The following SEMA4D variants were observed in gnomAD, a reference collection of about 807,000 sequenced individuals.
SEMA4D encodes the protein semaphorin 4D, also known as semaphorin-4D.
SEMA4D carries 22 observed loss-of-function variants against 74.8 expected under a neutral mutation model. The ratio of observed to expected loss-of-function variants is 0.29; its 90% CI spans 0.21 to 0.42. SEMA4D has a LOEUF of 0.42. Ranked by LOEUF, SEMA4D falls within the 10% of genes least tolerant of loss-of-function variation. SEMA4D has a pLI of 1.00. For missense variants in SEMA4D, 937 were observed against 1,118.4 expected (o/e 0.84, Z 2.31); for synonymous variants, 445 against 463.7 (o/e 0.96, Z 0.52).
chr9:89,414,074 C>T (rs1845154737), intron 2 of SEMA4D, among the ~76,000 whole-genome samples: 1 of 152,306 alleles, frequency 6.6e-6, no homozygotes, highest in East Asian at 1.9e-4. Context: ...TCGGCTCCTT[C>T]CTGGGATCAG....
chr9:89,430,951 T>G (rs1849149657), intron 2 of SEMA4D, among the ~76,000 whole-genome samples: 1 of 152,178 alleles, frequency 6.6e-6, no homozygotes, highest in South Asian at 2.1e-4. Flanking sequence ...CATTCCAGCC[T>G]GGGCGACAGA....
intron 13 of SEMA4D, among the ~76,000 whole-genome samples, chr9:89,382,802 A>ATGCAG (rs1016243688): frequency 1.3e-5 from 2 of 152,130 alleles, no homozygotes; most frequent in Non-Finnish European, 2.9e-5. Context: ...CGTGAACACC[A>ATGCAG]TGCAGTGCAG....
At chr9:89,382,849 G>A (rs1181178014) in intron 13 of SEMA4D, among the ~76,000 whole-genome samples, 1 of 152,136 alleles carries the variant, frequency 6.6e-6, no homozygotes, top group African/African-American at 2.4e-5. Context: ...GGGCCCGCCT[G>A]ACTCCTCACC....
At position 89,413,366 on chromosome 9, in the gene SEMA4D, G is replaced by A. The variant is rs937880914; in HGVS notation, c.-243-7667C>T. Among the ~76,000 whole-genome samples, 148 of 152,246 alleles carry A rather than the reference G, an allele frequency of 9.7e-4. 1 individual carries two copies. The highest frequency in any genetic ancestry group is 3.3e-3 in the African/African-American group (136 of 41,464). ...CAGGGGTCTTCAAATCAAGGCAGGA[G>A]ATCACAGCAGAGAAAATGGGAGTAC... On this transcript the variant is annotated intron_variant, in intron 2 of 15. Transcript: ENST00000422704.
chr9:89,448,961 A>C (rs1457823297), intron 2 of SEMA4D, among the ~76,000 whole-genome samples: 2 of 152,222 alleles, frequency 1.3e-5, no homozygotes, highest in African/African-American at 4.8e-5. Flanking sequence ...GCTCATCACA[A>C]ACCATCACTG....
At position 89,391,270 on chromosome 9, in the gene SEMA4D, C is replaced by T. The variant is rs770454740; in HGVS notation, c.768G>A (p.Val256=). 4 of 1,614,104 alleles carry T rather than the reference C, an allele frequency of 2.5e-6. No individual in the cohort carries two copies. Among genetic ancestry groups the T allele is most frequent in the East Asian group, 4.5e-5 (2 of 44,888 alleles). The change falls in exon 9 of 16, where the codon GTG becomes GTA. Residue 256 remains valine (V), a synonymous_variant. Coordinates refer to ENST00000422704, the MANE Select transcript of SEMA4D (RefSeq NM_001371194.2). ...FRVLIPRIAR[V]CKGDQGGLRT... is the part of the protein sequence containing the mutation. ...CAGAGTGCCTGGCACTCACCTTGCA[C>T]ACTCTTGCTATCCGTGGGATCAGCA...
rs773043627 is a variant in SEMA4D at position 89,379,315 on chromosome 9, C to A, written c.1978G>T (p.Val660Phe). The A allele has an allele frequency of 4.3e-6, 7 of 1,614,084 alleles. No homozygotes were observed. The African/African-American group carries it at 6.7e-5, about 15-fold the overall frequency. ...PKPVVAPTLS[V>F]VQTEGSRIAT... is the part of the protein sequence containing the mutation. The stretch of plus-strand genomic sequence containing the variant: ...ATCCTACTACCTTCTGTCTGAACAA[C>A]TGACAAGGTGGGGGCCACTACGGGC... The change falls in exon 16 of 16, where the codon GTT (valine) becomes TTT (phenylalanine). Residue 660 changes from valine (V) to phenylalanine (F), a missense_variant. Coordinates refer to ENST00000422704, the MANE Select transcript of SEMA4D (RefSeq NM_001371194.2).
rs543494934 is a variant in SEMA4D at position 89,475,827 on chromosome 9, A to G, written c.-309-19874T>C. Among the ~76,000 whole-genome samples the G allele has an allele frequency of 5.3e-5, 8 of 152,060 alleles. No homozygotes were observed. The South Asian group carries it at 1.7e-3, about 32-fold the overall frequency. On this transcript the variant is annotated intron_variant, in intron 1 of 15. Transcript: ENST00000422704. ...TGATATGACCATGGCTTGCACAAATATTTTTTTTCCCAGAAAAAGAAAATA... is the reference window on the plus strand; with the variant it reads ...TGATATGACCATGGCTTGCACAAATGTTTTTTTTCCCAGAAAAAGAAAATA...
At chr9:89,390,238 G>A (rs554128821) in intron 9 of SEMA4D, among the ~76,000 whole-genome samples, 4 of 152,230 alleles carry the variant, frequency 2.6e-5, no homozygotes, top group South Asian at 4.1e-4. Flanking sequence ...CACTGTGCAC[G>A]CCTGCCAGGA....
chr9:89,449,678 CTCAGGTGTG>C, intron 2 of SEMA4D: 1 of 1,511,138 alleles, frequency 6.6e-7, no homozygotes, highest in Admixed American at 1.7e-5. Flanking sequence ...ACGCATCTAG[CTCAGGTGTG>C]TCAGTACTGA....
chr9:89,415,376 T>C (rs1845495716), intron 2 of SEMA4D, among the ~76,000 whole-genome samples: 1 of 152,198 alleles, frequency 6.6e-6, no homozygotes. Context: ...CAGGGAGGAC[T>C]GTGTTAACCC....
intron 1 of SEMA4D, among the ~76,000 whole-genome samples, chr9:89,483,567 G>T (rs536901980): frequency 6.6e-6 from 1 of 152,304 alleles, no homozygotes; most frequent in Non-Finnish European, 1.5e-5. Context: ...ACATTTCCAT[G>T]CAGTTACACA....
chr9:89,473,678 G>A (rs1479049570), intron 1 of SEMA4D, among the ~76,000 whole-genome samples: 3 of 152,002 alleles, frequency 2.0e-5, no homozygotes, highest in South Asian at 4.2e-4. Context: ...CCAACATGGT[G>A]AAACCGTCTC....
intron 2 of SEMA4D, among the ~76,000 whole-genome samples, chr9:89,423,240 G>A (rs1399310611): frequency 6.6e-6 from 1 of 151,194 alleles, no homozygotes; most frequent in Non-Finnish European, 1.5e-5. Context: ...TGCCCAGGCT[G>A]GAGTGCAATG....
intron 11 of SEMA4D, among the ~76,000 whole-genome samples, chr9:89,387,868 T>C (rs1838892876): frequency 6.6e-6 from 1 of 152,252 alleles, no homozygotes; most frequent in Admixed American, 6.5e-5. Flanking sequence ...TTTTATCTAT[T>C]TGTAAGTGAA....
chr9:89,445,189 T>C (rs774559383), intron 2 of SEMA4D, among the ~76,000 whole-genome samples: 2 of 152,176 alleles, frequency 1.3e-5, no homozygotes, highest in South Asian at 4.2e-4. Context: ...TGTTGGATCT[T>C]TTCAGAAACG....
At chr9:89,461,330 A>G (rs1040068769) in intron 1 of SEMA4D, among the ~76,000 whole-genome samples, 7 of 152,170 alleles carry the variant, frequency 4.6e-5, no homozygotes, top group Non-Finnish European at 1.5e-5. Flanking sequence ...TGGGACCGGT[A>G]ATCCCAACAA....
chr9:89,459,504 T>G lies in SEMA4D; in HGVS notation c.-309-3551A>C, dbSNP rs115194497. Among the ~76,000 whole-genome samples, 814 of 152,276 alleles carry G rather than the reference T, an allele frequency of 5.3e-3. 6 individuals are homozygous for G. The highest frequency in any genetic ancestry group is 0.019 in the African/African-American group (776 of 41,526). ...GAGATACTGATAAGGCAAGAGCATG[T>G]CAATGTGAGAAACAGCCTACAAGGG... On this transcript the variant is annotated intron_variant, in intron 1 of 15. Transcript: ENST00000422704.
chr9:89,434,813 GTC>G (rs1850040641), intron 2 of SEMA4D, among the ~76,000 whole-genome samples: 1 of 152,188 alleles, frequency 6.6e-6, no homozygotes, highest in Non-Finnish European at 1.5e-5. Flanking sequence ...TTTGAGTGAA[GTC>G]TCCAGGGCCC....
Sources: allele counts gnomAD v4.1 joint callset (sites outside exome capture counted in the v4.1 genomes callset), GRCh38; gene constraint gnomAD v4.1.1; transcripts MANE v1.5; gene names NCBI Gene and HGNC (gene_info 2026-07-23, HGNC 2026-07-21).